Variants in WWTR1 observed in about 807,000 individuals in gnomAD.
The protein encoded by WWTR1 is WW domain containing transcription regulator 1, also known as WW domain-containing transcription regulator protein 1.
WWTR1 carries 13 observed loss-of-function variants against 40.1 expected under a neutral mutation model. The observed-to-expected ratio is 0.32, with a 90% CI of 0.21 to 0.52. The LOEUF (loss-of-function observed/expected upper bound fraction) is 0.52. WWTR1 is among the 20% of genes least tolerant of loss of function. The probability of loss-of-function intolerance (pLI) is 0.97; values close to 1 mark genes in which losing one functional copy is unlikely to be tolerated. For synonymous variants in WWTR1, 230 were observed against 210.1 expected, an observed-to-expected ratio of 1.09 and a Z score of -0.82; for missense variants, 436 against 523.1, an observed-to-expected ratio of 0.83 and a Z score of 1.63.
At chr3:149,548,060 C>CG (rs1304130779) in intron 3 of WWTR1, among the ~76,000 whole-genome samples, 5 of 104,710 alleles carry the variant, frequency 4.8e-5, no homozygotes, top group East Asian at 2.7e-4. Flanking sequence ...GGGAATGGGG[C>CG]GGGGGGTGGG....
intron 2 of WWTR1, among the ~76,000 whole-genome samples, chr3:149,608,552 AT>A (rs1739590238): frequency 6.6e-6 from 1 of 151,756 alleles, no homozygotes; most frequent in Non-Finnish European, 1.5e-5. Context: ...CGCCTGGCTA[AT>A]TTTTTTGTAT....
At chr3:149,711,549 G>A (rs1482823854) in intron 5 of WWTR1, among the ~76,000 whole-genome samples, 3 of 152,132 alleles carry the variant, frequency 2.0e-5, no homozygotes, top group Admixed American at 1.3e-4. Flanking sequence ...CTGATCACTA[G>A]TTTCTCCATT....
chr3:149,574,604 T>A (rs530503648), intron 2 of WWTR1, among the ~76,000 whole-genome samples: 1 of 152,346 alleles, frequency 6.6e-6, no homozygotes, highest in African/African-American at 2.4e-5. Flanking sequence ...GTCTAGAAAC[T>A]TCCTTGCATT....
At chr3:149,683,139 C>A (rs1714512725) in intron 1 of WWTR1, among the ~76,000 whole-genome samples, 1 of 152,202 alleles carries the variant, frequency 6.6e-6, no homozygotes, top group Admixed American at 6.5e-5. Context: ...TGAGTGCTTA[C>A]ATACATCTTT....
intron 2 of WWTR1, among the ~76,000 whole-genome samples, chr3:149,639,152 T>C (rs1361347882): frequency 6.6e-6 from 1 of 152,204 alleles, no homozygotes; most frequent in Non-Finnish European, 1.5e-5. Context: ...TGCCTCTAAA[T>C]GAATAAATCA....
Position 149,520,888 on chromosome 3 carries a change from A to G in WWTR1, c.1120T>C (p.Leu374=), listed in dbSNP as rs776709243. 5 of 1,613,500 alleles carry G rather than the reference A, an allele frequency of 3.1e-6. No homozygotes were observed. The African/African-American group carries it at 6.7e-5, about 22-fold the overall frequency. The change falls in exon 7 of 7, where the codon TTG becomes CTG. Residue 374 remains leucine (L), a synonymous_variant. Transcript: ENST00000360632. ...AGGGGGATCAGGTCTTCAGATTCCA[A>G]AGTTCCTAAGTCAACGTTTGTTCCT... The part of the protein sequence containing the change: ...LPGTNVDLGT[L]ESEDLIPLFN...
At chr3:149,621,715 C>A (rs138881859) in intron 2 of WWTR1, among the ~76,000 whole-genome samples, 168 of 152,322 alleles carry the variant, frequency 1.1e-3, no homozygotes, top group African/African-American at 3.8e-3. Context: ...TATTACAGAT[C>A]AGTTTTTAAA....
chr3:149,710,572 C>CA (rs1181207425), intron 5 of WWTR1, among the ~76,000 whole-genome samples: 3 of 63,330 alleles, frequency 4.7e-5, no homozygotes, highest in Non-Finnish European at 8.9e-5. Context: ...TCCCCGCCTC[C>CA]CCCCCCCCCC....
intron 2 of WWTR1, among the ~76,000 whole-genome samples, chr3:149,668,053 C>G (rs186694837): frequency 6.6e-5 from 10 of 152,234 alleles, no homozygotes; most frequent in African/African-American, 2.2e-4. Flanking sequence ...GAGTTCAACA[C>G]TAGAGATGAT....
At chr3:149,593,307 A>C (rs7638700) in intron 2 of WWTR1, among the ~76,000 whole-genome samples, 12,877 of 151,836 alleles carry the variant, frequency 0.085, 1,228 homozygotes, top group East Asian at 0.34. Context: ...ATGTTAATGC[A>C]CCGTACACTA....
intron 1 of WWTR1, among the ~76,000 whole-genome samples, chr3:149,691,698 G>T (rs889333108): frequency 6.6e-6 from 1 of 152,114 alleles, no homozygotes; most frequent in Non-Finnish European, 1.5e-5. Flanking sequence ...GGACTCTATG[G>T]CTTCGCTGCT....
intron 2 of WWTR1, among the ~76,000 whole-genome samples, chr3:149,647,647 C>A (rs1256647710): frequency 6.6e-6 from 1 of 152,200 alleles, no homozygotes; most frequent in Non-Finnish European, 1.5e-5. Context: ...AGACCACCCA[C>A]AATTTTGGAA....
intron 5 of WWTR1, among the ~76,000 whole-genome samples, chr3:149,715,671 C>T (rs773189256): frequency 2.0e-5 from 3 of 152,180 alleles, no homozygotes; most frequent in Admixed American, 1.3e-4. Flanking sequence ...AAGAGATTTC[C>T]GGCCAGAAAA....
intron 1 of WWTR1, among the ~76,000 whole-genome samples, chr3:149,672,134 A>AAAAC (rs528091796): frequency 1.8e-4 from 27 of 152,252 alleles, no homozygotes; most frequent in Admixed American, 1.3e-3. Flanking sequence ...AAAAAAACAA[A>AAAAC]AAACAAACAA....
chr3:149,692,410 C>G (rs751970653), intron 1 of WWTR1, among the ~76,000 whole-genome samples: 1 of 152,118 alleles, frequency 6.6e-6, no homozygotes, highest in Non-Finnish European at 1.5e-5. Context: ...CTGATCATTT[C>G]AATTAATCTT....
rs192307690 is a variant in WWTR1, at chr3:149,635,762, G to A, written c.431+21114C>T. Among the ~76,000 whole-genome samples, 139 of 152,220 alleles carry A rather than the reference G, an allele frequency of 9.1e-4. 1 individual carries two copies. Among genetic ancestry groups the A allele is most frequent in the African/African-American group, 3.2e-3 (134 of 41,550 alleles). ...GAGATGAGCAGGATTGGGGATAGAG[G>A]GTCAAGAAAGTCTATTGCTTTAGCT... On this transcript the variant is annotated intron_variant, in intron 2 of 6. Transcript: ENST00000360632.
chr3:149,656,996 C>T lies in WWTR1; in HGVS notation c.311G>A (p.Gly104Asp), dbSNP rs201754525. 4.1e-5 allele frequency: 65 copies of T among 1,597,684 alleles called. 1 individual carries two copies. The highest frequency in any genetic ancestry group is 3.4e-4 in the Middle Eastern group (2 of 5,886). Residue 104 changes from glycine to aspartate, a missense_variant, in exon 2 of 7, where the codon GGT becomes GAT. Physicochemically the swap from Gly to Asp is moderately conservative, Grantham distance 94. Transcript: ENST00000360632. ...LQLGTGAGAA[G>D]SPAQQHAHLR... ...GTGCGCGTGCTGCTGCGCGGGGCTA[C>T]CCGCAGCACCCGCGCCGGTGCCCAG...
At chr3:149,612,228 T>C (rs1468037606) in intron 2 of WWTR1, among the ~76,000 whole-genome samples, 3 of 152,206 alleles carry the variant, frequency 2.0e-5, no homozygotes, top group Non-Finnish European at 4.4e-5. Context: ...TGTGGCCTGA[T>C]AGTAGCTCAA....
chr3:149,707,422 T>C (rs895561412), upstream of WWTR1, among the ~76,000 whole-genome samples: 1 of 152,180 alleles, frequency 6.6e-6, no homozygotes, highest in African/African-American at 2.4e-5. Flanking sequence ...TTATCAACTA[T>C]CTAACCAGTT....
Sources: gnomAD v4.1 joint callset for allele counts (sites outside exome capture counted in the v4.1 genomes callset) on GRCh38, gnomAD v4.1.1 for gene constraint, MANE v1.5 for transcripts, NCBI Gene and HGNC (gene_info 2026-07-23, HGNC 2026-07-21) for gene names.